The following ZNF462 variants were observed in gnomAD, a reference collection of about 807,000 sequenced individuals.
ZNF462 encodes zinc finger PBX1-interacting protein.
In ZNF462, 10 loss-of-function variants were observed where a neutral mutation model predicts 201.9. The observed-to-expected ratio is 0.05, with a 90% CI of 0.03 to 0.08. The LOEUF (loss-of-function observed/expected upper bound fraction) is 0.08. ZNF462 is among the 10% of genes least tolerant of loss of function. ZNF462 has a pLI of 1.00. For missense variants in ZNF462, 2,523 were observed against 3,168.3 expected, an observed-to-expected ratio of 0.80 and a Z score of 4.89; for synonymous variants, 1,227 against 1,193.3, an observed-to-expected ratio of 1.03 and a Z score of -0.58.
chr9:106,979,130 G>A (rs779634930), intron 9 of ZNF462: 9 of 159,990 alleles, frequency 5.6e-5, no homozygotes, highest in Non-Finnish European at 1.1e-4. Flanking sequence ...GAGCTTTCTT[G>A]TTCTCTACTG....
rs752425716 is a variant in ZNF462 at position 107,005,754 on chromosome 9, GC to G, written c.7189+2331del. ...TTGAGGTCATATCCAAAAAATCATT[GC>G]CCAGACCAATGTCATGGAGCTTTTC... On this transcript the variant is annotated intron_variant, in intron 11 of 12. Coordinates refer to ENST00000277225, the MANE Select transcript of ZNF462 (RefSeq NM_021224.6). The surrounding 1 kb of genome is among the most constrained non-coding windows in gnomAD (Gnocchi z 4.4). Among the ~76,000 whole-genome samples, 3 of 152,104 alleles carry G rather than the reference GC, an allele frequency of 2.0e-5. No homozygotes were observed. The highest frequency in any genetic ancestry group is 4.4e-5 in the Non-Finnish European group (3 of 68,022).
In ZNF462 at chr9:107,010,681, CA is replaced by C. The variant is rs1480338829; in HGVS notation, c.7314-141del. The C allele has an allele frequency of 1.5e-5, 11 of 711,666 alleles. No homozygotes were observed. The highest frequency in any genetic ancestry group is 3.6e-5 in the African/African-American group (2 of 55,904). 44.1% of individuals were successfully genotyped at this position (711,666 alleles called of 1,614,324 possible). A position where few individuals can be genotyped will look rare whatever the true frequency, so the allele number is the denominator to read the frequency against. On this transcript the variant is annotated intron_variant, in intron 12 of 12. Transcript: ENST00000277225. This position sits in a 1 kb window ranked among gnomAD's most constrained non-coding sequence, Gnocchi z 4.6. Reference sequence around the variant, plus strand: ...ATCACTTGGTATTTTGTCATACACCCATGGCATTTGTTCAAAGGAAACCCCA... The same window carrying C: ...ATCACTTGGTATTTTGTCATACACCCTGGCATTTGTTCAAAGGAAACCCCA...
At chr9:107,004,287 G>A (rs1251002120) in intron 11 of ZNF462, among the ~76,000 whole-genome samples, 1 of 152,182 alleles carries the variant, frequency 6.6e-6, no homozygotes, top group African/African-American at 2.4e-5. Flanking sequence ...GATGAGAATA[G>A]TACTAGTTGC....
intron 1 of ZNF462, among the ~76,000 whole-genome samples, chr9:106,863,655 G>T (rs1359213390): frequency 6.6e-6 from 1 of 152,052 alleles, no homozygotes; most frequent in South Asian, 2.1e-4. Flanking sequence ...AGTGGAGGTG[G>T]CTGTGCTTTT....
intron 7 of ZNF462, among the ~76,000 whole-genome samples, chr9:106,971,356 C>T (rs893182698): frequency 1.4e-5 from 2 of 144,606 alleles, no homozygotes; most frequent in African/African-American, 5.4e-5. Context: ...TGCCATGCTG[C>T]GATTTCCTTT....
At chr9:107,007,097 G>A (rs1829603756) in intron 11 of ZNF462, among the ~76,000 whole-genome samples, 1 of 152,078 alleles carries the variant, frequency 6.6e-6, no homozygotes, top group Non-Finnish European at 1.5e-5. Flanking sequence ...CTGTGGCCTT[G>A]CCTTTTCTCC....
intron 1 of ZNF462, among the ~76,000 whole-genome samples, chr9:106,916,973 C>T (rs1829799161): frequency 6.6e-6 from 1 of 152,228 alleles, no homozygotes; most frequent in Non-Finnish European, 1.5e-5. Flanking sequence ...TGTCCCTTCT[C>T]TTCTTTTATC....
chr9:107,008,778 C>T lies in ZNF462; in HGVS notation c.7190-767C>T, dbSNP rs1386481235. ...TAGTACCATGGAGGAAACAAAACAA[C>T]TAAGTCAATATTTGATGTTTACAAC... On this transcript the variant is annotated intron_variant, in intron 11 of 12. Coordinates refer to ENST00000277225, the MANE Select transcript of ZNF462 (RefSeq NM_021224.6). This position sits in a 1 kb window ranked among gnomAD's most constrained non-coding sequence, Gnocchi z 4.8. 1.3e-5 allele frequency among the ~76,000 whole-genome samples: 2 copies of T among 152,170 alleles called. No individual in the cohort carries two copies. Among genetic ancestry groups the T allele is most frequent in the Non-Finnish European group, 2.9e-5 (2 of 68,036 alleles).
chr9:106,998,085 G>A (rs560532022), intron 10 of ZNF462, among the ~76,000 whole-genome samples: 2 of 152,250 alleles, frequency 1.3e-5, no homozygotes, highest in Non-Finnish European at 2.9e-5. Context: ...TTACCAGCCT[G>A]TGTTATAAGT....
intron 1 of ZNF462, among the ~76,000 whole-genome samples, chr9:106,916,593 G>C (rs1829785828): frequency 6.6e-6 from 1 of 152,276 alleles, no homozygotes; most frequent in African/African-American, 2.4e-5. Context: ...TCAGTTATCT[G>C]TTGTTCTAAG....
At position 106,970,841 on chromosome 9, in the gene ZNF462, T is replaced by C. The variant is rs900339700; in HGVS notation, c.6428-1164T>C. 6.6e-6 allele frequency among the ~76,000 whole-genome samples: 1 copy of C among 152,078 alleles called. No homozygotes were observed. The highest frequency in any genetic ancestry group is 2.4e-5 in the African/African-American group (1 of 41,412). The stretch of plus-strand genomic sequence containing the variant: ...ATTTTTACTTTTTTTTCTCTTCTTT[T>C]TTTTTAATTCAAAGAAGAAACGCTG... On this transcript the variant is annotated intron_variant, in intron 7 of 12. Coordinates refer to ENST00000277225, the MANE Select transcript of ZNF462 (RefSeq NM_021224.6). This position sits in a 1 kb window ranked among gnomAD's most constrained non-coding sequence, Gnocchi z 4.2.
At chr9:106,997,495 C>T (rs1828823917) in intron 10 of ZNF462, among the ~76,000 whole-genome samples, 2 of 152,128 alleles carry the variant, frequency 1.3e-5, no homozygotes, top group Admixed American at 1.3e-4. Flanking sequence ...TATTATTCAG[C>T]CATGGAAAAC....
intron 1 of ZNF462, among the ~76,000 whole-genome samples, chr9:106,871,843 C>T (rs1827605735): frequency 6.6e-6 from 1 of 152,138 alleles, no homozygotes; most frequent in South Asian, 2.1e-4. Context: ...ATGTGATAGT[C>T]CTCTCTGAAG....
rs1588216312 is a variant in ZNF462 at position 107,011,254 on chromosome 9, T to A, written c.*224T>A. On this transcript the variant is annotated 3_prime_UTR_variant, in exon 13 of 13. Coordinates refer to ENST00000277225, the MANE Select transcript of ZNF462 (RefSeq NM_021224.6). The surrounding 1 kb of genome is among the most constrained non-coding windows in gnomAD (Gnocchi z 5.6). ...GTGGCTCCTTTTCCATCACTACATC[T>A]TTTCTTCCGGATCTTCATCATGGAA... 1 of 506,930 alleles carries A rather than the reference T, an allele frequency of 2.0e-6. No individual in the cohort carries two copies. The highest frequency in any genetic ancestry group is 3.5e-5 in the East Asian group (1 of 28,836). The allele number at this position is 506,930 out of a possible 1,614,324, so 31.4% of individuals were successfully genotyped here.
At chr9:106,945,071 G>T (rs772023629) in intron 7 of ZNF462, among the ~76,000 whole-genome samples, 4 of 152,060 alleles carry the variant, frequency 2.6e-5, no homozygotes, top group African/African-American at 4.8e-5. Context: ...AATAATTACA[G>T]CAATACCCAT....
intron 1 of ZNF462, among the ~76,000 whole-genome samples, chr9:106,894,806 AAATATCTCATTAGTAAGTTTT>A (rs1828741959): frequency 6.6e-6 from 1 of 152,224 alleles, no homozygotes; most frequent in South Asian, 2.1e-4. Flanking sequence ...AAAAAGGATG[AAATATCTCATTAGTAAGTTTT>A]ATATTGATAA....
rs1827530071 is a variant in ZNF462 at position 106,870,241 on chromosome 9, A to G, written c.-31+6886A>G. On this transcript the variant is annotated intron_variant, in intron 1 of 12. Coordinates refer to ENST00000277225, the MANE Select transcript of ZNF462 (RefSeq NM_021224.6). The surrounding 1 kb of genome is among the most constrained non-coding windows in gnomAD (Gnocchi z 4.3). ...TGAGCACATTACTTGGTGTCTTCAA[A>G]GCATTCTTGCCTAATTCCTAGCTGG... Among the ~76,000 whole-genome samples the G allele has an allele frequency of 6.6e-6, 1 of 152,206 alleles. No individual in the cohort carries two copies. Among genetic ancestry groups the G allele is most frequent in the Non-Finnish European group, 1.5e-5 (1 of 68,032 alleles).
At chr9:106,867,648 C>T (rs1319185322) in intron 1 of ZNF462, among the ~76,000 whole-genome samples, 1 of 151,332 alleles carries the variant, frequency 6.6e-6, no homozygotes, top group Admixed American at 6.6e-5. Flanking sequence ...AAAAATCCAA[C>T]TCTACTAATG....
At chr9:106,959,632 A>G (rs1831737712) in intron 7 of ZNF462, among the ~76,000 whole-genome samples, 1 of 152,112 alleles carries the variant, frequency 6.6e-6, no homozygotes, top group Admixed American at 6.6e-5. Flanking sequence ...AGGCTCCTCA[A>G]CATACTCTGG....
Sources: allele counts gnomAD v4.1 joint callset (sites outside exome capture counted in the v4.1 genomes callset), GRCh38; gene constraint gnomAD v4.1.1; non-coding constraint Gnocchi (gnomAD v3.1); transcripts MANE v1.5; gene names NCBI Gene and HGNC (gene_info 2026-07-23, HGNC 2026-07-21).